The following THBS2 variants were observed in gnomAD, a reference collection of about 807,000 sequenced individuals.
The protein encoded by THBS2 is thrombospondin 2.
A neutral mutation model predicts 135.2 loss-of-function variants in THBS2; 47 were observed. The ratio of observed to expected loss-of-function variants is 0.35; its 90% CI spans 0.28 to 0.44. The LOEUF is 0.44. THBS2 is among the 20% of genes least tolerant of loss of function. THBS2 has a pLI of 1.00. For synonymous variants in THBS2, 639 were observed against 633.8 expected, an observed-to-expected ratio of 1.01 and a Z score of -0.12; for missense variants, 1,288 against 1,603.1, an observed-to-expected ratio of 0.80 and a Z score of 3.36.
chr6:169,252,464 G>A lies in THBS2; in HGVS notation c.-23+1260C>T, dbSNP rs982199955. 9.2e-5 allele frequency among the ~76,000 whole-genome samples: 14 copies of A among 152,208 alleles called. No individual in the cohort carries two copies. Among genetic ancestry groups the A allele is most frequent in the African/African-American group, 9.6e-5 (4 of 41,456 alleles). On this transcript the variant is annotated intron_variant, in intron 1 of 21. Coordinates refer to ENST00000617924, the MANE Select transcript of THBS2 (RefSeq NM_003247.5). This position sits in a 1 kb window ranked among gnomAD's most constrained non-coding sequence, Gnocchi z 4.3. ...TGCAGAGGCCAGCCAAGAACAGGAT[G>A]GTAAATGCGAAAGTTCTGGATGCCC...
chr6:169,248,969 A>C lies in THBS2; in HGVS notation c.57T>G (p.Gly19=). The C allele has an allele frequency of 3.8e-6, 6 of 1,598,540 alleles. No homozygotes were observed. Among genetic ancestry groups the C allele is most frequent in the Non-Finnish European group, 4.3e-6 (5 of 1,169,878 alleles). Residue 19 remains glycine (G), a synonymous_variant, in exon 3 of 22, where the codon GGT becomes GGG. Transcript: ENST00000617924. ...CGAAGGTCGTGTCTTTGTCCTGGTG[A>C]CCAGCTGCAAAGGGAACCGCAGTGG... The part of the protein sequence containing the change: ...ALWVWPSTQA[G]HQDKDTTFDL...
At chr6:169,223,526 C>A (rs576843024) in intron 17 of THBS2, 51 bp from the exon 18 acceptor site, 2 of 1,528,418 alleles carry the variant, frequency 1.3e-6, no homozygotes, top group African/African-American at 1.4e-5. Flanking sequence ...GAAGCAAAGT[C>A]GGTGGTCGGT....
In THBS2 at chr6:169,238,645, AG is replaced by A. The variant is rs570265743; in HGVS notation, c.1130-851del. On this transcript the variant is annotated intron_variant, in intron 7 of 21. Transcript: ENST00000617924. Reference sequence around the variant, plus strand: ...GTTTTAATTATAAGACTAACTGTATAGGGGATACATTTTCTGCATGTTACAG... The same window carrying A: ...GTTTTAATTATAAGACTAACTGTATAGGGATACATTTTCTGCATGTTACAG... Among the ~76,000 whole-genome samples, 6 of 152,362 alleles carry A rather than the reference AG, an allele frequency of 3.9e-5. No homozygotes were observed. The East Asian group carries it at 1.2e-3, about 29-fold the overall frequency.
rs751008188 is a variant in THBS2 at position 169,229,548 on chromosome 6, G to C, written c.2259+24C>G. 5.6e-6 allele frequency: 9 copies of C among 1,602,082 alleles called. No homozygotes were observed. The East Asian group carries it at 1.8e-4, about 32-fold the overall frequency. ...TCGCTGCTCCTGGAACCCAGGGCAG[G>C]TGCGCGGCACAAGCTGCTCCTACCT... is the stretch of plus-strand genomic sequence containing the variant. On this transcript the variant is annotated intron_variant, in intron 14 of 21. Transcript: ENST00000617924.
At chr6:169,225,853 G>A (rs893145060) in intron 16 of THBS2, among the ~76,000 whole-genome samples, 11 of 152,226 alleles carry the variant, frequency 7.2e-5, no homozygotes, top group Admixed American at 2.6e-4. Context: ...ACACAACCTC[G>A]CTCCAGCTGA....
chr6:169,231,651 G>A (rs1779837293), intron 13 of THBS2, among the ~76,000 whole-genome samples: 1 of 152,222 alleles, frequency 6.6e-6, no homozygotes, highest in African/African-American at 2.4e-5. Context: ...AATGGCCTCT[G>A]CACAGCCTGG....
At chr6:169,229,318 T>C (rs1779750189) in intron 14 of THBS2, among the ~76,000 whole-genome samples, 1 of 152,194 alleles carries the variant, frequency 6.6e-6, no homozygotes, top group African/African-American at 2.4e-5. Context: ...AGGTCTTCTA[T>C]TTTTTTGCAG....
chr6:169,220,459 G>A, intron 20 of THBS2, 122 bp from the exon 21 acceptor site: 1 of 1,254,238 alleles, frequency 8.0e-7, no homozygotes, highest in African/African-American at 1.5e-5. Flanking sequence ...CAGGGCTTCA[G>A]TGCCCCAGGG....
intron 4 of THBS2, 116 bp from the exon 5 acceptor site, chr6:169,242,074 A>T (rs1780325431): frequency 8.4e-7 from 1 of 1,195,594 alleles, no homozygotes; most frequent in African/African-American, 1.5e-5. Context: ...GTGCTGGGAG[A>T]CACAAGGCGG....
At chr6:169,219,594 C>T (rs1779346809) in intron 21 of THBS2, among the ~76,000 whole-genome samples, 1 of 152,306 alleles carries the variant, frequency 6.6e-6, no homozygotes, top group South Asian at 2.1e-4. Flanking sequence ...ATCCACCCGC[C>T]TTGGCCTCCC....
At chr6:169,248,101 C>T (rs552152158) in intron 3 of THBS2, among the ~76,000 whole-genome samples, 5 of 151,126 alleles carry the variant, frequency 3.3e-5, no homozygotes, top group Non-Finnish European at 7.4e-5. Context: ...TATACATATG[C>T]GAGTGTGAGT....
intron 4 of THBS2, among the ~76,000 whole-genome samples, chr6:169,244,592 A>ACACG (rs1226793772): frequency 8.6e-6 from 1 of 116,104 alleles, no homozygotes; most frequent in Non-Finnish European, 1.6e-5. Flanking sequence ...GTGAAAATAC[A>ACACG]CACGCACGCA....
chr6:169,233,931 C>T (rs1266682131), intron 10 of THBS2, among the ~76,000 whole-genome samples: 1 of 150,712 alleles, frequency 6.6e-6, no homozygotes, highest in Non-Finnish European at 1.5e-5. Flanking sequence ...TGTTCCAGAC[C>T]ATACAACTGC....
intron 1 of THBS2, among the ~76,000 whole-genome samples, chr6:169,253,115 A>G (rs569781398): frequency 1.3e-5 from 2 of 152,156 alleles, no homozygotes; most frequent in Non-Finnish European, 2.9e-5. Context: ...ACTTACCACA[A>G]ATACTCTCTA....
Position 169,222,460 on chromosome 6 carries a change from C to T in THBS2, c.3010G>A (p.Glu1004Lys), listed in dbSNP as rs138262723. ...SDPGIAVGFDEFGSVDFSGTF... is the reference protein window; with the variant it reads ...SDPGIAVGFDKFGSVDFSGTF... ...CCACTGAAGTCCACAGACCCAAACTCGTCAAAACCTGGATGCAACGCCATA... is the reference window on the plus strand; with the variant it reads ...CCACTGAAGTCCACAGACCCAAACTTGTCAAAACCTGGATGCAACGCCATA... Residue 1004 changes from glutamate (E) to lysine (K), a missense_variant, in exon 19 of 22, where the codon GAG becomes AAG. Physicochemically the swap from Glu to Lys is moderately conservative, Grantham distance 56. Around this residue, in one of 2 missense-constraint regions of THBS2, gnomAD observed 874 missense variants for 1,156.1 expected, o/e 0.76. Coordinates refer to ENST00000617924, the MANE Select transcript of THBS2 (RefSeq NM_003247.5). 2.9e-5 allele frequency: 47 copies of T among 1,612,422 alleles called. No individual in the cohort carries two copies. The highest frequency in any genetic ancestry group is 3.8e-5 in the Non-Finnish European group (45 of 1,179,138).
In THBS2 at chr6:169,223,416, C is replaced by T. The variant is rs780721295; in HGVS notation, c.2833G>A (p.Asp945Asn). ...GCATTGTTTTCAGGACACACATCAT[C>T]AATATCTGGGATGTTGTCATTGTCA... Reference protein sequence around the residue: ...DFDNDNIPDIDDVCPENNAIS... With the variant: ...DFDNDNIPDINDVCPENNAIS... The change falls in exon 18 of 22, where the codon GAT becomes AAT. Residue 945 changes from aspartate (D) to asparagine (N), a missense_variant. By Grantham distance (23) the Asp-to-Asn change is conservative. Around this residue, in one of 2 missense-constraint regions of THBS2, gnomAD observed 874 missense variants for 1,156.1 expected, o/e 0.76. Transcript: ENST00000617924. 3 of 1,614,132 alleles carry T rather than the reference C, an allele frequency of 1.9e-6. No individual in the cohort carries two copies. In the Admixed American group the frequency reaches 5.0e-5, roughly 27 times the overall value.
chr6:169,249,637 A>G (rs2115036901), intron 2 of THBS2, among the ~76,000 whole-genome samples: 1 of 152,352 alleles, frequency 6.6e-6, no homozygotes, highest in East Asian at 1.9e-4. Flanking sequence ...TAAGGATCTG[A>G]AAGAGTGGTC....
At chr6:169,240,255 T>C (rs1335466758) in intron 6 of THBS2, among the ~76,000 whole-genome samples, 197 bp downstream of exon 6, 2 of 152,164 alleles carry the variant, frequency 1.3e-5, no homozygotes, top group Non-Finnish European at 2.9e-5. Context: ...CTCTGGTTCT[T>C]TATGTGCAAA....
chr6:169,248,255 G>A (rs1780625334), intron 3 of THBS2, among the ~76,000 whole-genome samples, 162 bp downstream of exon 3: 1 of 152,166 alleles, frequency 6.6e-6, no homozygotes, highest in Admixed American at 6.5e-5. Context: ...TGTGCATGTG[G>A]TGTGTGCACG....
Sources: allele counts gnomAD v4.1 joint callset (sites outside exome capture counted in the v4.1 genomes callset), GRCh38; gene constraint gnomAD v4.1.1; regional missense constraint gnomAD v4.1.1; non-coding constraint Gnocchi (gnomAD v3.1); transcripts MANE v1.5; gene names NCBI Gene and HGNC (gene_info 2026-07-23, HGNC 2026-07-21).